ZNF607: variants seen among roughly 807,000 people sequenced by gnomAD.
ZNF607 encodes the protein zinc finger protein 607.
A neutral mutation model predicts 12.8 loss-of-function variants in ZNF607; 5 were observed. The ratio of observed to expected loss-of-function variants is 0.39; its 90% CI spans 0.20 to 0.82. The LOEUF (loss-of-function observed/expected upper bound fraction) is 0.82. ZNF607 is among the 40% of genes least tolerant of loss of function. The probability of loss-of-function intolerance (pLI) is 0.39; values close to 1 mark genes in which losing one functional copy is unlikely to be tolerated. For missense variants in ZNF607, 851 were observed against 859.2 expected, an observed-to-expected ratio of 0.99 and a Z score of 0.12; for synonymous variants, 287 against 276.2, an observed-to-expected ratio of 1.04 and a Z score of -0.39.
chr19:37,711,217 C>A (rs954831587), intron 2 of ZNF607, among the ~76,000 whole-genome samples: 3 of 152,152 alleles, frequency 2.0e-5, no homozygotes, highest in Non-Finnish European at 4.4e-5. Context: ...CTGAAAAATT[C>A]AGATGTCTGG....
chr19:37,709,769 T>C lies in ZNF607; in HGVS notation c.63A>G (p.Glu21=), dbSNP rs1340818208. The C allele has an allele frequency of 1.9e-6, 3 of 1,614,014 alleles. No homozygotes were observed. The highest frequency in any genetic ancestry group is 2.5e-6 in the Non-Finnish European group (3 of 1,179,992). ...AGGTCTTCTGAACCAGGCTGAGATA[T>C]TCCCACTCCTGATGAGAGAAGTCTA... ...VAIDFSHQEW[E]YLSLVQKTLY... The change falls in exon 3 of 5, where the codon GAA becomes GAG. Residue 21 remains glutamate, a synonymous_variant. Coordinates refer to ENST00000355202, the MANE Select transcript of ZNF607 (RefSeq NM_032689.5).
Position 37,698,464 on chromosome 19 carries a change from C to A in ZNF607, c.1667G>T (p.Ser556Ile), listed in dbSNP as rs1445809352. The A allele has an allele frequency of 6.2e-7, 1 of 1,613,796 alleles. No homozygotes were observed. Reference sequence around the variant, plus strand: ...CTTACATTCGTAGGGTTTCTCAGCGCTATGAATATTCTGATGGGCTTTAAG... The same window carrying A: ...CTTACATTCGTAGGGTTTCTCAGCGATATGAATATTCTGATGGGCTTTAAG... Reference protein sequence around the residue: ...SVLKAHQNIHSAEKPYECKEC... With the variant: ...SVLKAHQNIHIAEKPYECKEC... Residue 556 changes from serine to isoleucine, a missense_variant, in exon 5 of 5, where the codon AGC (serine) becomes ATC (isoleucine). Ser to Ile is a moderately radical substitution (Grantham distance 142). Transcript: ENST00000355202.
At chr19:37,709,954 A>G in intron 2 of ZNF607, 132 bp from the exon 3 acceptor site, 2 of 945,634 alleles carry the variant, frequency 2.1e-6, no homozygotes, top group Non-Finnish European at 3.0e-6. Context: ...CAAGAGATGA[A>G]GACCATCATG....
intron 1 of ZNF607, among the ~76,000 whole-genome samples, chr19:37,714,043 G>A (rs574412960): frequency 3.9e-5 from 6 of 151,964 alleles, no homozygotes; most frequent in Non-Finnish European, 8.8e-5. Flanking sequence ...GCACCCAGTC[G>A]GGCGCAGTGG....
intron 4 of ZNF607, among the ~76,000 whole-genome samples, chr19:37,704,855 G>C (rs1174995620): frequency 6.6e-6 from 1 of 152,134 alleles, no homozygotes; most frequent in Non-Finnish European, 1.5e-5. Flanking sequence ...AGAGGCTGAG[G>C]CAGGAGAATG....
Position 37,697,968 on chromosome 19 carries a change from A to T in ZNF607, c.*72T>A. Reference sequence around the variant, plus strand: ...AGCCATTCCACATTGTCTTCATTCAAATTGTTCAGTGGGATAAATCCATTG... The same window carrying T: ...AGCCATTCCACATTGTCTTCATTCATATTGTTCAGTGGGATAAATCCATTG... On this transcript the variant is annotated 3_prime_UTR_variant, in exon 5 of 5. Coordinates refer to ENST00000355202, the MANE Select transcript of ZNF607 (RefSeq NM_032689.5). The T allele has an allele frequency of 7.1e-7, 1 of 1,405,444 alleles. No individual in the cohort carries two copies. Among genetic ancestry groups the T allele is most frequent in the Non-Finnish European group, 9.6e-7 (1 of 1,046,316 alleles). 87.1% of individuals were successfully genotyped at this position (1,405,444 alleles called of 1,614,324 possible).
At position 37,697,664 on chromosome 19, in the gene ZNF607, G is replaced by T; in HGVS notation, c.*376C>A. ...GTTTCCTGTGTAATGGCTTTTTCCA[G>T]GTTTAACAATAAATGATTGTTGCTG... On this transcript the variant is annotated 3_prime_UTR_variant, in exon 5 of 5. Transcript: ENST00000355202. 3.2e-6 allele frequency: 1 copy of T among 314,874 alleles called. No individual in the cohort carries two copies. Among genetic ancestry groups the T allele is most frequent in the Non-Finnish European group, 5.9e-6 (1 of 170,798 alleles). 19.5% of individuals were successfully genotyped at this position (314,874 alleles called of 1,614,324 possible).
At chr19:37,717,352 A>T (rs1320826509) in intron 1 of ZNF607, among the ~76,000 whole-genome samples, 2 of 151,770 alleles carry the variant, frequency 1.3e-5, no homozygotes, top group Admixed American at 1.3e-4. Context: ...CGCCCGGCTA[A>T]TTTTTTGTAT....
At chr19:37,710,079 T>C (rs1217330030) in intron 2 of ZNF607, among the ~76,000 whole-genome samples, 1 of 151,782 alleles carries the variant, frequency 6.6e-6, no homozygotes, top group Non-Finnish European at 1.5e-5. Flanking sequence ...CACTTAAACT[T>C]GGGAGGCGCA....
In ZNF607 at chr19:37,699,852, C is replaced by T. The variant is rs767600630; in HGVS notation, c.279G>A (p.Gln93=). The change falls in exon 5 of 5, where the codon CAG becomes CAA. Residue 93 remains glutamine, a synonymous_variant. Transcript: ENST00000355202. ...TAACACATGAGTGTTTCCTATAAAG[C>T]TGCATTTTCCCATCGCTGATTATTT... ...RCEIISDGKM[Q]LYRKHSCVTL... 38 of 1,604,162 alleles carry T rather than the reference C, an allele frequency of 2.4e-5. No homozygotes were observed. Among genetic ancestry groups the T allele is most frequent in the Non-Finnish European group, 2.6e-5 (31 of 1,176,032 alleles).
At chr19:37,719,031 T>C (rs1377803798) in intron 1 of ZNF607, 1 of 152,292 alleles carries the variant, frequency 6.6e-6, no homozygotes, top group Non-Finnish European at 1.5e-5. Flanking sequence ...TAAGGGCAAT[T>C]ACTCTTCTAA....
chr19:37,710,111 C>T (rs751244472), intron 2 of ZNF607, among the ~76,000 whole-genome samples: 72 of 151,716 alleles, frequency 4.7e-4, no homozygotes, highest in Non-Finnish European at 4.7e-4. Flanking sequence ...GCCGAGATTG[C>T]GCCACTGCAC....
rs142988797 is a variant in ZNF607 at position 37,698,732 on chromosome 19, G to A, written c.1399C>T (p.His467Tyr). 8.6e-5 allele frequency: 139 copies of A among 1,613,172 alleles called. No individual in the cohort carries two copies. Among genetic ancestry groups the A allele is most frequent in the Non-Finnish European group, 1.1e-4 (125 of 1,179,408 alleles). ...SFRCASYLVI[H>Y]ERIHTGEKPY... ...TTCTCTCCTGTATGAATTCTCTCATGTATAACAAGATATGAGGCACAACGA... is the reference window on the plus strand; with the variant it reads ...TTCTCTCCTGTATGAATTCTCTCATATATAACAAGATATGAGGCACAACGA... Residue 467 changes from histidine to tyrosine, a missense_variant, in exon 5 of 5, where the codon CAT becomes TAT. Coordinates refer to ENST00000355202, the MANE Select transcript of ZNF607 (RefSeq NM_032689.5).
At chr19:37,704,116 AG>A (rs1324257481) in intron 4 of ZNF607, among the ~76,000 whole-genome samples, 2 of 152,038 alleles carry the variant, frequency 1.3e-5, no homozygotes, top group African/African-American at 4.8e-5. Flanking sequence ...CCTGGGTGAC[AG>A]AGTAAGACTC....
chr19:37,710,197 G>C (rs1037375777), intron 2 of ZNF607, among the ~76,000 whole-genome samples: 3 of 151,784 alleles, frequency 2.0e-5, no homozygotes, highest in Non-Finnish European at 4.4e-5. Context: ...GGGCGCGGTG[G>C]CTCACGCCTG....
chr19:37,705,700 A>C (rs2045076407), intron 4 of ZNF607, among the ~76,000 whole-genome samples: 1 of 151,520 alleles, frequency 6.6e-6, no homozygotes, highest in Non-Finnish European at 1.5e-5. Flanking sequence ...AAAAAAAAAA[A>C]AAAAAACTTA....
chr19:37,719,275 C>G lies in ZNF607; in HGVS notation c.-81G>C, dbSNP rs2045203559. 6.5e-6 allele frequency: 1 copy of G among 153,438 alleles called. No homozygotes were observed. Among genetic ancestry groups the G allele is most frequent in the Non-Finnish European group, 1.5e-5 (1 of 68,680 alleles). 9.5% of individuals were successfully genotyped at this position (153,438 alleles called of 1,614,324 possible). ...CACAAGGTCGACTACGCACCCCTCA[C>G]AGTCCCGCAACTGCACCCACGTCAC... On this transcript the variant is annotated 5_prime_UTR_variant, in exon 1 of 5. Coordinates refer to ENST00000355202, the MANE Select transcript of ZNF607 (RefSeq NM_032689.5).
intron 1 of ZNF607, among the ~76,000 whole-genome samples, chr19:37,717,625 G>C (rs1210224250): frequency 7.9e-6 from 1 of 126,762 alleles, no homozygotes; most frequent in East Asian, 2.2e-4. Flanking sequence ...GAGAAACCCC[G>C]TCTCTACTAA....
rs532036227 is a variant in ZNF607 at position 37,709,397 on chromosome 19, C to T, written c.136+299G>A. Among the ~76,000 whole-genome samples, 4 of 152,220 alleles carry T rather than the reference C, an allele frequency of 2.6e-5. No homozygotes were observed. In the South Asian group the frequency reaches 8.3e-4, roughly 32 times the overall value. ...AAACCTGAACGCCCTGACAATGGTT[C>T]TACAATGAACACCAGAAAATTCCAA... On this transcript the variant is annotated intron_variant, in intron 3 of 4. Coordinates refer to ENST00000355202, the MANE Select transcript of ZNF607 (RefSeq NM_032689.5).
Sources: allele counts gnomAD v4.1 joint callset (sites outside exome capture counted in the v4.1 genomes callset), GRCh38; gene constraint gnomAD v4.1.1; transcripts MANE v1.5; gene names NCBI Gene and HGNC (gene_info 2026-07-23, HGNC 2026-07-21).